Variants in CHEK2 observed in about 807,000 individuals in gnomAD.
CHEK2 encodes serine/threonine-protein kinase Chk2.
CHEK2 carries 71 observed loss-of-function variants against 69.1 expected under a neutral mutation model. The observed-to-expected ratio is 1.03, with a 90% CI of 0.85 to 1.25. The LOEUF is 1.25. Among genes scored for constraint, CHEK2 ranks in the 50% most tolerant of loss-of-function variants. The probability of loss-of-function intolerance (pLI) is 0.00; values close to 1 mark genes in which losing one functional copy is unlikely to be tolerated. For synonymous variants in CHEK2, 189 were observed against 226.9 expected, an observed-to-expected ratio of 0.83 and a Z score of 1.50; for missense variants, 664 against 649.6, an observed-to-expected ratio of 1.02 and a Z score of -0.24.
intron 8 of CHEK2, among the ~76,000 whole-genome samples, chr22:28,701,400 C>T (rs749009318): frequency 7.3e-5 from 11 of 151,096 alleles, no homozygotes; most frequent in African/African-American, 1.7e-4. Flanking sequence ...TTAGTAGAGA[C>T]GGGGTTTTGC....
intron 2 of CHEK2, chr22:28,729,245 C>A: frequency 3.9e-6 from 1 of 258,416 alleles, no homozygotes; most frequent in South Asian, 3.2e-5. Context: ...AATGACCAAA[C>A]AAGAATTAAC....
chr22:28,736,747 C>T, intron 1 of CHEK2, among the ~76,000 whole-genome samples: 1 of 151,920 alleles, frequency 6.6e-6, no homozygotes, highest in Non-Finnish European at 1.5e-5. Context: ...CAATACCAGC[C>T]TGGCCAACAT....
intron 1 of CHEK2, among the ~76,000 whole-genome samples, 162 bp from the exon 2 acceptor site, chr22:28,734,889 T>C (rs1472814602): frequency 4.6e-5 from 7 of 151,198 alleles, no homozygotes; most frequent in Non-Finnish European, 7.4e-5. Context: ...CCCAGACCTA[T>C]AGTTCTTCTG....
Position 28,688,093 on chromosome 22 carries a change from G to C in CHEK2, c.1543-107C>G. The C allele has an allele frequency of 4.4e-6, 4 of 900,012 alleles. No homozygotes were observed. In the South Asian group the frequency reaches 5.8e-5, roughly 13 times the overall value. 55.8% of individuals were successfully genotyped at this position (900,012 alleles called of 1,614,324 possible). A position where few individuals can be genotyped will look rare whatever the true frequency, so the allele number is the denominator to read the frequency against. ...CCAGTAAAGTGGGGGCATTTGATGTGAAATTCTAGAACCAAAAATTACTGG... is the reference window on the plus strand; with the variant it reads ...CCAGTAAAGTGGGGGCATTTGATGTCAAATTCTAGAACCAAAAATTACTGG... On this transcript the variant is annotated intron_variant, in intron 14 of 14. Coordinates refer to ENST00000404276, the MANE Select transcript of CHEK2 (RefSeq NM_007194.4).
intron 13 of CHEK2, 30 bp downstream of exon 13, chr22:28,694,002 T>G (rs2052462661): frequency 7.0e-7 from 1 of 1,431,704 alleles, no homozygotes. Flanking sequence ...CCCATGTATT[T>G]TATGCTAGCA....
intron 8 of CHEK2, among the ~76,000 whole-genome samples, chr22:28,702,524 C>T (rs1241198601): frequency 4.0e-5 from 6 of 149,040 alleles, no homozygotes; most frequent in African/African-American, 1.5e-4. Flanking sequence ...AGATGTGAGC[C>T]ACTGCGCCCG....
intron 5 of CHEK2, among the ~76,000 whole-genome samples, chr22:28,718,883 AACACACACACACAC>A (rs144577000): frequency 5.0e-5 from 7 of 140,544 alleles, no homozygotes; most frequent in South Asian, 2.4e-4. Flanking sequence ...CTCTGACACT[AACACACACACACAC>A]ACACACACAC....
intron 13 of CHEK2, among the ~76,000 whole-genome samples, chr22:28,690,187 G>A (rs1468564576): frequency 6.6e-6 from 1 of 152,174 alleles, no homozygotes; most frequent in African/African-American, 2.4e-5. Context: ...CAATTTGATG[G>A]ATATGGAAAT....
chr22:28,698,786 C>T (rs558921532), intron 9 of CHEK2, among the ~76,000 whole-genome samples: 2 of 152,220 alleles, frequency 1.3e-5, no homozygotes, highest in African/African-American at 4.8e-5. Context: ...CCCACTGCAG[C>T]GAACAGGATG....
intron 5 of CHEK2, among the ~76,000 whole-genome samples, chr22:28,713,020 T>C (rs17885618): frequency 6.6e-6 from 1 of 152,188 alleles, no homozygotes; most frequent in Non-Finnish European, 1.5e-5. Context: ...TGGCAACCAC[T>C]AATCTACTTT....
At chr22:28,705,668 G>A (rs1013975779) in intron 7 of CHEK2, among the ~76,000 whole-genome samples, 4 of 152,224 alleles carry the variant, frequency 2.6e-5, no homozygotes, top group African/African-American at 9.6e-5. Context: ...GCACATGCCT[G>A]TAATCCCAGC....
chr22:28,723,768 T>C (rs2053888892), intron 4 of CHEK2, among the ~76,000 whole-genome samples: 1 of 151,724 alleles, frequency 6.6e-6, no homozygotes, highest in African/African-American at 2.4e-5. Context: ...GCCAACATGG[T>C]AAAACCCCGT....
rs786201896 is a variant in CHEK2 at position 28,711,944 on chromosome 22, T to A, written c.757A>T (p.Lys253Ter). ...CKKVAIKIIS[K>*]RKFAIGSARE... ...GCTGAACCAATAGCAAACTTCCTTT[T>A]GCTGATGATCTTTATGGCTACTTTC... The change falls in exon 6 of 15, where the codon AAA (lysine) becomes TAA (stop). Residue 253 changes from lysine to a stop codon, truncating the protein, a stop_gained. Coordinates refer to ENST00000404276, the MANE Select transcript of CHEK2 (RefSeq NM_007194.4). LOFTEE classifies it high-confidence loss of function. 1 of 1,613,992 alleles carries A rather than the reference T, an allele frequency of 6.2e-7. No homozygotes were observed. The highest frequency in any genetic ancestry group is 1.7e-5 in the Admixed American group (1 of 60,020).
In CHEK2 at chr22:28,695,716, A is replaced by C. The variant is rs2052547427; in HGVS notation, c.1253T>G (p.Phe418Cys). Residue 418 changes from phenylalanine to cysteine, a missense_variant, in exon 11 of 15, where the codon TTT (phenylalanine) becomes TGT (cysteine). Coordinates refer to ENST00000404276, the MANE Select transcript of CHEK2 (RefSeq NM_007194.4). ...VDCWSLGVIL[F>C]ICLSGYPPFS... ...CAATGAAAATATTTCTTACCAGATA[A>C]AAAGAATAACTCCTAAACTCCAGCA... 4.3e-6 allele frequency: 7 copies of C among 1,613,456 alleles called. No individual in the cohort carries two copies. The highest frequency in any genetic ancestry group is 5.9e-6 in the Non-Finnish European group (7 of 1,179,422).
At chr22:28,716,540 A>G (rs2053595739) in intron 5 of CHEK2, among the ~76,000 whole-genome samples, 1 of 152,158 alleles carries the variant, frequency 6.6e-6, no homozygotes, top group African/African-American at 2.4e-5. Context: ...ATTCCAAGCA[A>G]CCAGTGCAAA....
intron 4 of CHEK2, among the ~76,000 whole-genome samples, chr22:28,720,245 C>T (rs2053728469): frequency 6.6e-6 from 1 of 151,814 alleles, no homozygotes; most frequent in African/African-American, 2.4e-5. Flanking sequence ...CGAACAGCAC[C>T]ATGCCCGGCT....
rs749158713 is a variant in CHEK2 at position 28,734,595 on chromosome 22, T to C, written c.127A>G (p.Thr43Ala). 4.3e-6 allele frequency: 7 copies of C among 1,613,714 alleles called. No homozygotes were observed. The Admixed American group carries it at 5.0e-5, about 12-fold the overall frequency. Residue 43 changes from threonine to alanine, a missense_variant, in exon 2 of 15, where the codon ACC becomes GCC. Thr to Ala is a moderately conservative substitution (Grantham distance 58). Transcript: ENST00000404276. ...SQSQGISSSS[T>A]STMPNSSQSS... Reference sequence around the variant, plus strand: ...TGGCTGGAGTTTGGCATCGTGCTGGTAGAGGAGCTGGATATGCCCTGGGAC... The same window carrying C: ...TGGCTGGAGTTTGGCATCGTGCTGGCAGAGGAGCTGGATATGCCCTGGGAC...
intron 13 of CHEK2, among the ~76,000 whole-genome samples, chr22:28,693,125 T>C (rs2052429124): frequency 6.6e-6 from 1 of 152,184 alleles, no homozygotes; most frequent in Admixed American, 6.6e-5. Flanking sequence ...GGGGCATGTC[T>C]GTGCTGAATG....
rs2146065753 is a variant in CHEK2 at position 28,725,228 on chromosome 22, GTAT to G, written c.444+12_444+14del. ...ATTACCAGCTCTCCTAGATACATGG[GTAT>G]TCATTACCTACCCTGAAAATCCGAA... On this transcript the variant is annotated intron_variant, in intron 3 of 14. Coordinates refer to ENST00000404276, the MANE Select transcript of CHEK2 (RefSeq NM_007194.4). The G allele has an allele frequency of 6.2e-7, 1 of 1,614,004 alleles. No individual in the cohort carries two copies. Among genetic ancestry groups the G allele is most frequent in the African/African-American group, 1.3e-5 (1 of 75,020 alleles).
Sources: allele counts gnomAD v4.1 joint callset (sites outside exome capture counted in the v4.1 genomes callset), GRCh38; gene constraint gnomAD v4.1.1; transcripts MANE v1.5; gene names NCBI Gene and HGNC (gene_info 2026-07-23, HGNC 2026-07-21).